The following SLC24A2 variants were observed in gnomAD, a reference collection of about 807,000 sequenced individuals.
SLC24A2 encodes the protein sodium/potassium/calcium exchanger 2.
In SLC24A2, 36 loss-of-function variants were observed where a neutral mutation model predicts 62.0. That is an observed-to-expected ratio of 0.58 (90% CI 0.44 to 0.77). The LOEUF is 0.77. SLC24A2 is among the 30% of genes least tolerant of loss of function. The pLI, the probability that SLC24A2 is intolerant of heterozygous loss-of-function variation, is 0.00. For synonymous variants in SLC24A2, 358 were observed against 294.0 expected (o/e 1.22, Z -2.23); for missense variants, 846 against 817.9 (o/e 1.03, Z -0.42).
chr9:19,925,441 T>C, the SLC24A2 span, among the ~76,000 whole-genome samples: 1 of 152,238 alleles, frequency 6.6e-6, no homozygotes, highest in Non-Finnish European at 1.5e-5. Flanking sequence ...GTGGTAGACA[T>C]ATATATTTGT....
intron 1 of SLC24A2, 99 bp from the exon 2 acceptor site, chr9:19,787,118 C>G: frequency 1.6e-6 from 1 of 622,572 alleles, no homozygotes; most frequent in Non-Finnish European, 2.0e-6. Context: ...TGCAGCTGTG[C>G]GATCTTGGGT....
chr9:20,140,887 A>C, the SLC24A2 span, among the ~76,000 whole-genome samples: 10 of 152,174 alleles, frequency 6.6e-5, no homozygotes, highest in African/African-American at 1.2e-4. Context: ...TGAAAATTCC[A>C]AACTCTTTCC....
At chr9:20,242,442 G>C in the SLC24A2 span, among the ~76,000 whole-genome samples, 1 of 152,198 alleles carries the variant, frequency 6.6e-6, no homozygotes, top group Admixed American at 6.5e-5. Context: ...CAGAGCTTTG[G>C]CTCCAGTAAT....
chr9:19,792,471 A>AC (rs1374877971), upstream of SLC24A2, among the ~76,000 whole-genome samples: 2 of 147,682 alleles, frequency 1.4e-5, no homozygotes, highest in Admixed American at 1.4e-4. Flanking sequence ...GAGGTGGATC[A>AC]CCTGAGGTCA....
At chr9:20,261,888 C>T in the SLC24A2 span, among the ~76,000 whole-genome samples, 1 of 151,734 alleles carries the variant, frequency 6.6e-6, no homozygotes, top group Non-Finnish European at 1.5e-5. Flanking sequence ...TACAGGCGCC[C>T]GCCACCACGC....
intron 2 of SLC24A2, among the ~76,000 whole-genome samples, chr9:19,703,865 A>C (rs1464440924): frequency 6.6e-6 from 1 of 152,236 alleles, no homozygotes; most frequent in Non-Finnish European, 1.5e-5. Context: ...TGTAATCCTT[A>C]AAAATAAATT....
At chr9:19,521,687 T>C (rs1833206293) in intron 9 of SLC24A2, among the ~76,000 whole-genome samples, 1 of 152,130 alleles carries the variant, frequency 6.6e-6, no homozygotes, top group South Asian at 2.1e-4. Context: ...TTTCTTGACA[T>C]TTTGCTTACT....
chr9:20,147,821 G>A, the SLC24A2 span, among the ~76,000 whole-genome samples: 7,016 of 152,062 alleles, frequency 0.046, 525 homozygotes, highest in African/African-American at 0.16. Context: ...CTCTTCCAAG[G>A]CTTGACTTCC....
chr9:20,123,717 A>G, the SLC24A2 span, among the ~76,000 whole-genome samples: 1 of 152,242 alleles, frequency 6.6e-6, no homozygotes, highest in Non-Finnish European at 1.5e-5. Flanking sequence ...GGTAATTATC[A>G]TTAACGTCAC....
chr9:20,129,545 G>C, the SLC24A2 span, among the ~76,000 whole-genome samples: 1 of 152,058 alleles, frequency 6.6e-6, no homozygotes, highest in Admixed American at 6.6e-5. Flanking sequence ...ACCAGCTGAT[G>C]AACAGATAAA....
the SLC24A2 span, among the ~76,000 whole-genome samples, chr9:20,031,634 C>T: frequency 6.6e-6 from 1 of 152,052 alleles, no homozygotes; most frequent in Non-Finnish European, 1.5e-5. Context: ...TGTGAGGGTT[C>T]ACTGAGATGA....
the SLC24A2 span, among the ~76,000 whole-genome samples, chr9:19,826,577 C>T: frequency 7.7e-3 from 1,179 of 152,284 alleles, 20 homozygotes; most frequent in African/African-American, 0.027. Flanking sequence ...AGGGCCGTCT[C>T]TGCCTGCAAG....
chr9:20,220,720 C>T, the SLC24A2 span, among the ~76,000 whole-genome samples: 4 of 152,248 alleles, frequency 2.6e-5, no homozygotes, highest in African/African-American at 7.2e-5. Flanking sequence ...AACGCTGTCA[C>T]GATGGCCTTA....
At chr9:20,285,603 C>A in the SLC24A2 span, among the ~76,000 whole-genome samples, 1 of 152,344 alleles carries the variant, frequency 6.6e-6, no homozygotes, top group East Asian at 1.9e-4. Context: ...AGAGGGCAAG[C>A]TGCTTTACTC....
chr9:20,225,564 A>ATATATATTATATATATAT, the SLC24A2 span, among the ~76,000 whole-genome samples: 50 of 115,910 alleles, frequency 4.3e-4, no homozygotes, highest in Non-Finnish European at 6.0e-4. Context: ...TATATATTAT[A>ATATATATTATATATATAT]TATATATATA....
chr9:19,581,506 T>C (rs1236005302), intron 5 of SLC24A2, among the ~76,000 whole-genome samples: 2 of 152,106 alleles, frequency 1.3e-5, no homozygotes, highest in African/African-American at 4.8e-5. Flanking sequence ...GCTAAAACAG[T>C]CCTTGGAAGG....
At chr9:19,536,142 TGTC>T (rs1363346335) in intron 8 of SLC24A2, among the ~76,000 whole-genome samples, 2 of 150,086 alleles carry the variant, frequency 1.3e-5, no homozygotes. Flanking sequence ...GCTCTCTGTT[TGTC>T]TTTTTTTTTT....
chr9:19,581,761 G>A (rs1836217179), intron 5 of SLC24A2, among the ~76,000 whole-genome samples: 1 of 152,162 alleles, frequency 6.6e-6, no homozygotes, highest in African/African-American at 2.4e-5. Flanking sequence ...TGCCATAAAG[G>A]GTGGCATAGA....
In SLC24A2 at chr9:19,524,137, CAA is replaced by C. The variant is rs57173482; in HGVS notation, c.1570-3079_1570-3078del. Among the ~76,000 whole-genome samples, 139 of 84,700 alleles carry C rather than the reference CAA, an allele frequency of 1.6e-3. 1 individual carries two copies. Among genetic ancestry groups the C allele is most frequent in the Admixed American group, 1.9e-3 (13 of 6,668 alleles). 55.6% of individuals were successfully genotyped at this position (84,700 alleles called of 152,430 possible). A position where few individuals can be genotyped will look rare whatever the true frequency, so the allele number is the denominator to read the frequency against. On this transcript the variant is annotated intron_variant, in intron 9 of 10. Coordinates refer to ENST00000341998, the MANE Select transcript of SLC24A2 (RefSeq NM_020344.4). ...CTTTTGGGGGAAATTACTTCATTTT[CAA>C]AAAAAAAAAAAAAAAAAAAAGCAAA...
Sources: gnomAD v4.1 joint callset for allele counts (sites outside exome capture counted in the v4.1 genomes callset) on GRCh38, gnomAD v4.1.1 for gene constraint, MANE v1.5 for transcripts, NCBI Gene and HGNC (gene_info 2026-07-23, HGNC 2026-07-21) for gene names.